The following ADAMTS18 variants were observed in gnomAD, a reference collection of about 807,000 sequenced individuals.
ADAMTS18 encodes ADAM metallopeptidase with thrombospondin type 1 motif 18, also known as A disintegrin and metalloproteinase with thrombospondin motifs 18.
A neutral mutation model predicts 165.9 loss-of-function variants in ADAMTS18; 157 were observed. The ratio of observed to expected loss-of-function variants is 0.95; its 90% CI spans 0.83 to 1.08. The LOEUF (loss-of-function observed/expected upper bound fraction) is 1.08. Ranked by LOEUF, ADAMTS18 falls within the 50% of genes least tolerant of loss-of-function variation. ADAMTS18 has a pLI of 0.00. For synonymous variants in ADAMTS18, 782 were observed against 578.2 expected (o/e 1.35, Z -5.06); for missense variants, 2,040 against 1,534.0 (o/e 1.33, Z -5.51).
chr16:77,357,244 C>T (rs1332018480), intron 8 of ADAMTS18, among the ~76,000 whole-genome samples: 1 of 151,718 alleles, frequency 6.6e-6, no homozygotes, highest in African/African-American at 2.4e-5. Context: ...TTTTTTGTGA[C>T]CCATGTCTAT....
In ADAMTS18 at chr16:77,364,287, C is replaced by G; in HGVS notation, c.873G>C (p.Lys291Asn). The G allele has an allele frequency of 6.2e-6, 10 of 1,613,966 alleles. No individual in the cohort carries two copies. The highest frequency in any genetic ancestry group is 8.5e-6 in the Non-Finnish European group (10 of 1,180,008). ...RPRRSAGKSQ[K>N]GLNVETLVVA... ...CCACGAGGGTTTCCACATTGAGGCC[C>G]TTTTGTGATTTTCCAGCTGATCTTC... Residue 291 changes from lysine (K) to asparagine (N), a missense_variant, in exon 5 of 23, where the codon AAG (lysine) becomes AAC (asparagine). Physicochemically the swap from Lys to Asn is moderately conservative, Grantham distance 94. Transcript: ENST00000282849.
intron 4 of ADAMTS18, 66 bp from the exon 5 acceptor site, chr16:77,364,447 G>C (rs2056763326): frequency 3.3e-6 from 5 of 1,528,560 alleles, no homozygotes; most frequent in Non-Finnish European, 4.5e-6. Context: ...AGTTGAGAGA[G>C]AAACTGAAAC....
chr16:77,431,593 G>A lies in ADAMTS18; in HGVS notation c.197C>T (p.Pro66Leu), dbSNP rs2057741716. The change falls in exon 3 of 23, where the codon CCA (proline) becomes CTA (leucine). Residue 66 changes from proline (P) to leucine (L), a missense_variant. Coordinates refer to ENST00000282849, the MANE Select transcript of ADAMTS18 (RefSeq NM_199355.4). ...GLNDDYVFVTPVEVDSAGSYI... is the reference protein window; with the variant it reads ...GLNDDYVFVTLVEVDSAGSYI... ...TGACCCGGCTGAGTCTACTTCTACT[G>A]GCGTGACAAAGACGTAATCTGCAAT... 6.2e-7 allele frequency: 1 copy of A among 1,614,038 alleles called. No individual in the cohort carries two copies. The highest frequency in any genetic ancestry group is 8.5e-7 in the Non-Finnish European group (1 of 1,179,990).
intron 20 of ADAMTS18, among the ~76,000 whole-genome samples, chr16:77,292,600 T>A (rs9932232): frequency 6.6e-6 from 1 of 152,072 alleles, no homozygotes; most frequent in South Asian, 2.1e-4. Flanking sequence ...TTCTATCAAG[T>A]CACTTGACGT....
intron 3 of ADAMTS18, among the ~76,000 whole-genome samples, chr16:77,370,773 C>G (rs1317518257): frequency 6.7e-6 from 1 of 148,202 alleles, no homozygotes; most frequent in African/African-American, 2.6e-5. Context: ...GAAAACAATC[C>G]CATTTATAAT....
chr16:77,326,058 A>G lies in ADAMTS18; in HGVS notation c.1860-20T>C. The G allele has an allele frequency of 6.2e-7, 1 of 1,610,570 alleles. No individual in the cohort carries two copies. The highest frequency in any genetic ancestry group is 8.5e-7 in the Non-Finnish European group (1 of 1,177,052). ...TGAGGCCTGAAAATGAAATTAATGA[A>G]CTTTAATGTTAGTAATCAAAGGGCT... On this transcript the variant is annotated intron_variant, in intron 12 of 22. Coordinates refer to ENST00000282849, the MANE Select transcript of ADAMTS18 (RefSeq NM_199355.4).
chr16:77,333,957 C>G (rs1448174741), intron 12 of ADAMTS18, among the ~76,000 whole-genome samples: 1 of 135,818 alleles, frequency 7.4e-6, no homozygotes, highest in African/African-American at 2.9e-5. Flanking sequence ...GTCATATATA[C>G]TATATATAAT....
chr16:77,299,116 C>G (rs2055532166), intron 17 of ADAMTS18, among the ~76,000 whole-genome samples: 1 of 152,196 alleles, frequency 6.6e-6, no homozygotes, highest in Non-Finnish European at 1.5e-5. Context: ...ACCTCATAAT[C>G]TGTGACTAAA....
chr16:77,362,789 G>A (rs1472742638), intron 6 of ADAMTS18, among the ~76,000 whole-genome samples: 1 of 152,160 alleles, frequency 6.6e-6, no homozygotes, highest in Non-Finnish European at 1.5e-5. Flanking sequence ...TTTGTCAAAT[G>A]TTTGCTTGGT....
At chr16:77,328,311 T>A (rs766941155) in intron 12 of ADAMTS18, among the ~76,000 whole-genome samples, 1 of 152,148 alleles carries the variant, frequency 6.6e-6, no homozygotes, top group Non-Finnish European at 1.5e-5. Context: ...AGGCCAAAAC[T>A]CAACTATGGA....
At chr16:77,387,299 C>A (rs1200544825) in intron 3 of ADAMTS18, among the ~76,000 whole-genome samples, 2 of 152,170 alleles carry the variant, frequency 1.3e-5, no homozygotes, top group African/African-American at 4.8e-5. Context: ...TCATTTCCAT[C>A]TCATGTCGGA....
rs543184390 is a variant in ADAMTS18, at chr16:77,406,457, A to G, written c.495+24838T>C. Among the ~76,000 whole-genome samples the G allele has an allele frequency of 8.5e-5, 13 of 152,264 alleles. No homozygotes were observed. The South Asian group carries it at 2.7e-3, about 32-fold the overall frequency. The stretch of plus-strand genomic sequence containing the variant: ...ATGCTTGCTTTTATCACTTGTAATT[A>G]TCACCACACTTGAGGTCCTTGACAC... On this transcript the variant is annotated intron_variant, in intron 3 of 22. Transcript: ENST00000282849.
At chr16:77,332,889 T>A (rs2056213495) in intron 12 of ADAMTS18, among the ~76,000 whole-genome samples, 1 of 152,122 alleles carries the variant, frequency 6.6e-6, no homozygotes, top group African/African-American at 2.4e-5. Flanking sequence ...AATTGGGAAA[T>A]TTCACATCAG....
chr16:77,334,842 G>GTA (rs1321528838), intron 12 of ADAMTS18, among the ~76,000 whole-genome samples: 1 of 122,840 alleles, frequency 8.1e-6, no homozygotes, highest in African/African-American at 3.2e-5. Flanking sequence ...ATAGTATACA[G>GTA]TATATATAAT....
intron 16 of ADAMTS18, among the ~76,000 whole-genome samples, chr16:77,307,296 T>G (rs937686093): frequency 2.6e-5 from 4 of 152,224 alleles, no homozygotes; most frequent in African/African-American, 4.8e-5. Flanking sequence ...GAAACTTGTG[T>G]TAGAATTCAG....
chr16:77,400,370 C>T (rs1220792679), intron 3 of ADAMTS18, among the ~76,000 whole-genome samples: 1 of 151,654 alleles, frequency 6.6e-6, no homozygotes, highest in African/African-American at 2.4e-5. Context: ...ACCCCTGGGA[C>T]TACCCCTGAT....
At chr16:77,286,503 AACAGTCTTTCGAAGTAAGCATT>A (rs1567451469) in intron 22 of ADAMTS18, among the ~76,000 whole-genome samples, 4 of 152,130 alleles carry the variant, frequency 2.6e-5, no homozygotes, top group African/African-American at 9.7e-5. Flanking sequence ...TAATACTCAA[AACAGTCTTTCGAAGTAAGCATT>A]ATTTCCCAGT....
At chr16:77,431,162 T>C in intron 3 of ADAMTS18, 133 bp downstream of exon 3, 1 of 911,646 alleles carries the variant, frequency 1.1e-6, no homozygotes. Context: ...CAATTGAGAA[T>C]ATTAGAAGTA....
intron 3 of ADAMTS18, among the ~76,000 whole-genome samples, chr16:77,401,032 G>A (rs995988339): frequency 3.9e-5 from 6 of 151,958 alleles, no homozygotes; most frequent in Non-Finnish European, 8.8e-5. Flanking sequence ...GAGGTGGGTG[G>A]ATCACCTGAG....
Sources: allele counts gnomAD v4.1 joint callset (sites outside exome capture counted in the v4.1 genomes callset), GRCh38; gene constraint gnomAD v4.1.1; transcripts MANE v1.5; gene names NCBI Gene and HGNC (gene_info 2026-07-23, HGNC 2026-07-21).